PPARGC1A: variants seen among roughly 807,000 people sequenced by gnomAD.
The protein encoded by PPARGC1A is PPARG coactivator 1 alpha, also known as peroxisome proliferator-activated receptor gamma coactivator 1-alpha.
Under a neutral mutation model 88.7 loss-of-function variants are expected in PPARGC1A, and 25 were observed. The ratio of observed to expected loss-of-function variants is 0.28; its 90% CI spans 0.21 to 0.39. The LOEUF is 0.39. PPARGC1A is among the 10% of genes least tolerant of loss of function. The pLI is 1.00. For synonymous variants in PPARGC1A, 363 were observed against 355.6 expected (o/e 1.02, Z -0.24); for missense variants, 880 against 968.7 (o/e 0.91, Z 1.22).
At chr4:24,284,891 G>A in the PPARGC1A span, among the ~76,000 whole-genome samples, 3 of 152,098 alleles carry the variant, frequency 2.0e-5, no homozygotes, top group Non-Finnish European at 4.4e-5. Flanking sequence ...AGGTGGGCAT[G>A]GTGGCAGGTG....
chr4:23,894,058 T>C (rs142769843), upstream of PPARGC1A, among the ~76,000 whole-genome samples: 199 of 152,224 alleles, frequency 1.3e-3, 2 homozygotes, highest in Middle Eastern at 0.024. Flanking sequence ...AAAGCCTTTC[T>C]AGGAAGAACT....
At chr4:24,289,931 T>TG in the PPARGC1A span, among the ~76,000 whole-genome samples, 6 of 152,132 alleles carry the variant, frequency 3.9e-5, no homozygotes, top group Admixed American at 2.0e-4. Context: ...TCCACATGGC[T>TG]GGGGGGGCCT....
the PPARGC1A span, among the ~76,000 whole-genome samples, chr4:24,009,376 T>C: frequency 6.6e-6 from 1 of 152,150 alleles, no homozygotes; most frequent in African/African-American, 2.4e-5. Context: ...TCTGATTTTA[T>C]TCTTGTTAGA....
At chr4:24,095,557 A>G in the PPARGC1A span, among the ~76,000 whole-genome samples, 4 of 152,218 alleles carry the variant, frequency 2.6e-5, no homozygotes, top group Admixed American at 6.5e-5. Context: ...GGAGAAGGCC[A>G]TATGAGGGTA....
At chr4:24,003,816 A>C in the PPARGC1A span, among the ~76,000 whole-genome samples, 5 of 74,256 alleles carry the variant, frequency 6.7e-5, no homozygotes, top group Non-Finnish European at 1.3e-4. Flanking sequence ...ATAGGATCAG[A>C]TTGATTTTTT....
rs1347108692 is a variant in PPARGC1A, at chr4:23,831,721, G to A, written c.265C>T (p.Leu89=). 9 of 1,613,630 alleles carry A rather than the reference G, an allele frequency of 5.6e-6. No homozygotes were observed. The South Asian group carries it at 9.9e-5, about 18-fold the overall frequency. ...KIDEENEANL[L]AVLTETLDSL... ...TCTAGTGTCTCTGTGAGGACTGCTA[G>A]CAAGTTTGCCTCATTCTCTTCATCT... Residue 89 remains leucine (L), a synonymous_variant, in exon 3 of 13, where the codon CTA becomes TTA. Coordinates refer to ENST00000264867, the MANE Select transcript of PPARGC1A (RefSeq NM_013261.5).
the PPARGC1A span, among the ~76,000 whole-genome samples, chr4:24,264,250 A>G: frequency 6.6e-6 from 1 of 151,274 alleles, no homozygotes; most frequent in African/African-American, 2.5e-5. Flanking sequence ...TGGCATACCC[A>G]TGTTGTTCAA....
chr4:23,889,837 AC>A, intron 1 of PPARGC1A, 66 bp downstream of exon 1: 4 of 1,577,324 alleles, frequency 2.5e-6, no homozygotes, highest in South Asian at 2.3e-5. Flanking sequence ...ATCCCCCCTT[AC>A]AGGAATAATA....
At chr4:24,342,200 T>C in the PPARGC1A span, among the ~76,000 whole-genome samples, 1 of 152,210 alleles carries the variant, frequency 6.6e-6, no homozygotes, top group African/African-American at 2.4e-5. Context: ...ACTTATTGAC[T>C]GAACTTCTGC....
the PPARGC1A span, among the ~76,000 whole-genome samples, chr4:24,424,395 C>G: frequency 6.6e-6 from 1 of 150,964 alleles, no homozygotes; most frequent in Admixed American, 6.6e-5. Context: ...CCTGCCTCAG[C>G]CTCCCGAGTA....
chr4:24,200,336 C>T, the PPARGC1A span, among the ~76,000 whole-genome samples: 2 of 151,824 alleles, frequency 1.3e-5, no homozygotes, highest in South Asian at 4.2e-4. Context: ...CATGGTGAAA[C>T]CCTGTCTCTA....
At chr4:24,279,634 A>G in the PPARGC1A span, among the ~76,000 whole-genome samples, 1 of 151,880 alleles carries the variant, frequency 6.6e-6, no homozygotes, top group Non-Finnish European at 1.5e-5. Context: ...TGGTCTTCTC[A>G]CTCCCCACTC....
chr4:23,982,697 A>C, the PPARGC1A span, among the ~76,000 whole-genome samples: 1 of 152,150 alleles, frequency 6.6e-6, no homozygotes, highest in South Asian at 2.1e-4. Flanking sequence ...CAGCTGCTTC[A>C]CCTGAAATAA....
chr4:24,250,890 G>A, the PPARGC1A span, among the ~76,000 whole-genome samples: 3 of 152,298 alleles, frequency 2.0e-5, no homozygotes, highest in East Asian at 5.8e-4. Flanking sequence ...ATTATTTGGA[G>A]GCAGTAGTCT....
At chr4:23,925,858 T>A in the PPARGC1A span, among the ~76,000 whole-genome samples, 594 of 152,136 alleles carry the variant, frequency 3.9e-3, 7 homozygotes, top group African/African-American at 0.013. Flanking sequence ...GAGAAAAAAA[T>A]TTTTTTAAAT....
chr4:24,109,008 ACACACACACAC>A, the PPARGC1A span, among the ~76,000 whole-genome samples: 227 of 150,488 alleles, frequency 1.5e-3, 4 homozygotes, highest in East Asian at 0.041. Context: ...ACACACACAC[ACACACACACAC>A]CACACACACA....
At chr4:24,457,715 A>ATTAT in the PPARGC1A span, among the ~76,000 whole-genome samples, 318 of 151,618 alleles carry the variant, frequency 2.1e-3, 2 homozygotes, top group African/African-American at 2.7e-3. Flanking sequence ...TGGCTAATTT[A>ATTAT]TTATTTATTT....
chr4:24,255,129 A>G, the PPARGC1A span, among the ~76,000 whole-genome samples: 1 of 152,202 alleles, frequency 6.6e-6, no homozygotes, highest in South Asian at 2.1e-4. Context: ...TATAGTGTAA[A>G]TATACATTTA....
At chr4:23,910,756 C>T in the PPARGC1A span, among the ~76,000 whole-genome samples, 1 of 151,700 alleles carries the variant, frequency 6.6e-6, no homozygotes. Flanking sequence ...ATATTTTATA[C>T]CCATTACTAT....
Sources: gnomAD v4.1 joint callset for allele counts (sites outside exome capture counted in the v4.1 genomes callset) on GRCh38, gnomAD v4.1.1 for gene constraint, MANE v1.5 for transcripts, NCBI Gene and HGNC (gene_info 2026-07-23, HGNC 2026-07-21) for gene names.